The following CAMK2D variants were observed in gnomAD, a reference collection of about 807,000 sequenced individuals.
CAMK2D encodes the protein calcium/calmodulin-dependent protein kinase type II subunit delta.
Under a neutral mutation model 84.0 loss-of-function variants are expected in CAMK2D, and 37 were observed. The observed-to-expected ratio is 0.44, with a 90% CI of 0.34 to 0.58. The LOEUF (loss-of-function observed/expected upper bound fraction) is 0.58, where lower values mean the gene tolerates loss of function less well. Among genes scored for constraint, CAMK2D ranks in the 20% least tolerant of loss-of-function variants. The probability of loss-of-function intolerance (pLI) is 0.02; values close to 1 mark genes in which losing one functional copy is unlikely to be tolerated. For missense variants in CAMK2D, 448 were observed against 652.5 expected (o/e 0.69, Z 3.41); for synonymous variants, 202 against 212.5 (o/e 0.95, Z 0.43).
At chr4:113,571,853 C>G (rs927456653) in intron 4 of CAMK2D, among the ~76,000 whole-genome samples, 1 of 152,136 alleles carries the variant, frequency 6.6e-6, no homozygotes, top group African/African-American at 2.4e-5. Context: ...ATGTGAGACA[C>G]GAGTTTCATA....
chr4:113,459,054 C>CTA (rs1417480938), intron 18 of CAMK2D, among the ~76,000 whole-genome samples: 2 of 152,182 alleles, frequency 1.3e-5, no homozygotes, highest in African/African-American at 4.8e-5. Context: ...TCCTCTGAAA[C>CTA]TACCACAAGT....
intron 16 of CAMK2D, among the ~76,000 whole-genome samples, chr4:113,487,574 A>G (rs976449016): frequency 6.6e-6 from 1 of 152,094 alleles, no homozygotes; most frequent in African/African-American, 2.4e-5. Context: ...TATTAAAGAA[A>G]TTTTGTATGG....
At chr4:113,584,806 C>G (rs2098826630) in intron 4 of CAMK2D, among the ~76,000 whole-genome samples, 2 of 151,966 alleles carry the variant, frequency 1.3e-5, no homozygotes, top group South Asian at 4.2e-4. Context: ...CAAAAGAACA[C>G]AATAGCTAAG....
At chr4:113,585,755 G>C (rs2098831445) in intron 4 of CAMK2D, among the ~76,000 whole-genome samples, 1 of 151,666 alleles carries the variant, frequency 6.6e-6, no homozygotes. Context: ...ATATAGTATA[G>C]TATAGATTAG....
chr4:113,502,458 C>A lies in CAMK2D; in HGVS notation c.1086+478G>T, dbSNP rs201413746. On this transcript the variant is annotated intron_variant, in intron 15 of 20. Transcript: ENST00000511664. ...CAACAAGGAATTAAGAAACCAAAAA[C>A]CAAAAAAAAAAAAAACACCACTCTG... Among the ~76,000 whole-genome samples, 149 of 121,782 alleles carry A rather than the reference C, an allele frequency of 1.2e-3. 1 individual carries two copies. Among genetic ancestry groups the A allele is most frequent in the African/African-American group, 4.4e-3 (127 of 28,940 alleles). 79.9% of individuals were successfully genotyped at this position (121,782 alleles called of 152,430 possible).
chr4:113,639,508 A>C (rs1380383916), intron 3 of CAMK2D, among the ~76,000 whole-genome samples: 1 of 152,098 alleles, frequency 6.6e-6, no homozygotes, highest in East Asian at 1.9e-4. Context: ...AGAAAAAGGA[A>C]GCCCTGCACC....
At chr4:113,520,007 C>T (rs933502872) in intron 8 of CAMK2D, among the ~76,000 whole-genome samples, 37 of 152,120 alleles carry the variant, frequency 2.4e-4, no homozygotes, top group African/African-American at 8.7e-4. Flanking sequence ...ACTGAGAGAC[C>T]TTGACATACT....
chr4:113,653,282 A>G (rs576065660), intron 3 of CAMK2D, among the ~76,000 whole-genome samples: 1 of 152,196 alleles, frequency 6.6e-6, no homozygotes. Flanking sequence ...AGAATAATCA[A>G]TTTTGCAGAC....
chr4:113,538,987 G>A (rs965482958), intron 6 of CAMK2D, among the ~76,000 whole-genome samples: 2 of 152,182 alleles, frequency 1.3e-5, no homozygotes, highest in Non-Finnish European at 2.9e-5. Flanking sequence ...TTAATTTGGA[G>A]TATGGGATAA....
intron 16 of CAMK2D, among the ~76,000 whole-genome samples, chr4:113,492,978 T>A (rs948659731): frequency 1.1e-5 from 1 of 88,870 alleles, no homozygotes; most frequent in African/African-American, 5.8e-5. Context: ...TGCCTTTTTT[T>A]GTTTTCCATT....
intron 2 of CAMK2D, among the ~76,000 whole-genome samples, chr4:113,699,365 T>A (rs751221744): frequency 6.6e-6 from 1 of 152,224 alleles, no homozygotes; most frequent in South Asian, 2.1e-4. Context: ...CAGAAAAAAG[T>A]GACATATTTA....
chr4:113,570,963 C>A (rs530531487), intron 4 of CAMK2D, among the ~76,000 whole-genome samples: 1 of 152,158 alleles, frequency 6.6e-6, no homozygotes, highest in South Asian at 2.1e-4. Flanking sequence ...AAACAAATAA[C>A]CTGATTAAAA....
At chr4:113,554,405 CA>C (rs1395132631) in intron 4 of CAMK2D, among the ~76,000 whole-genome samples, 1 of 152,004 alleles carries the variant, frequency 6.6e-6, no homozygotes, top group Non-Finnish European at 1.5e-5. Context: ...TTTAAAAAGT[CA>C]GGGGGACTAG....
rs751775850 is a variant in CAMK2D at position 113,540,891 on chromosome 4, TG to T, written c.415-3449del. On this transcript the variant is annotated intron_variant, in intron 6 of 20. Coordinates refer to ENST00000511664, the MANE Select transcript of CAMK2D (RefSeq NM_001321571.2). ...CTTATAATGCAATCCCTTTCTAGGT[TG>T]GTTTTTAAATAGAGTGCACAGACAT... Among the ~76,000 whole-genome samples the T allele has an allele frequency of 1.3e-4, 20 of 152,218 alleles. 1 individual carries two copies. Among genetic ancestry groups the T allele is most frequent in the Middle Eastern group, 6.3e-3 (2 of 316 alleles).
chr4:113,527,717 A>G (rs1453977082), intron 8 of CAMK2D, among the ~76,000 whole-genome samples: 5 of 152,152 alleles, frequency 3.3e-5, no homozygotes, highest in African/African-American at 1.2e-4. Context: ...AAACTTATAC[A>G]TTATAAAAAA....
intron 16 of CAMK2D, among the ~76,000 whole-genome samples, chr4:113,472,175 C>T (rs1464403872): frequency 1.3e-5 from 2 of 152,110 alleles, no homozygotes; most frequent in African/African-American, 4.8e-5. Flanking sequence ...TAGAACTTGA[C>T]CAGTTTATAG....
chr4:113,632,519 G>A (rs952661736), intron 3 of CAMK2D, among the ~76,000 whole-genome samples: 7 of 151,618 alleles, frequency 4.6e-5, no homozygotes, highest in African/African-American at 1.2e-4. Context: ...CACCACGCCC[G>A]GCCTGTGTGT....
At chr4:113,470,709 C>A (rs1385271792) in intron 16 of CAMK2D, among the ~76,000 whole-genome samples, 1 of 151,220 alleles carries the variant, frequency 6.6e-6, no homozygotes, top group East Asian at 1.9e-4. Context: ...GTTATGAATT[C>A]ATACATAGCT....
intron 8 of CAMK2D, among the ~76,000 whole-genome samples, chr4:113,526,945 A>AT (rs2098423020): frequency 7.6e-6 from 1 of 130,964 alleles, no homozygotes; most frequent in Non-Finnish European, 1.6e-5. Flanking sequence ...CAGATATTGC[A>AT]TTTTTTACAC....
Sources: gnomAD v4.1 joint callset for allele counts (sites outside exome capture counted in the v4.1 genomes callset) on GRCh38, gnomAD v4.1.1 for gene constraint, MANE v1.5 for transcripts, NCBI Gene and HGNC (gene_info 2026-07-23, HGNC 2026-07-21) for gene names.